The following GANAB variants were observed in gnomAD, a reference collection of about 807,000 sequenced individuals.
GANAB encodes neutral alpha-glucosidase AB.
Under a neutral mutation model 129.9 loss-of-function variants are expected in GANAB, and 35 were observed. That is an observed-to-expected ratio of 0.27 (90% CI 0.21 to 0.36). The LOEUF (loss-of-function observed/expected upper bound fraction) is 0.36. Ranked by LOEUF, GANAB falls within the 10% of genes least tolerant of loss-of-function variation. The probability of loss-of-function intolerance (pLI) is 1.00; values close to 1 mark genes in which losing one functional copy is unlikely to be tolerated. For synonymous variants in GANAB, 482 were observed against 451.8 expected, an observed-to-expected ratio of 1.07 and a Z score of -0.85; for missense variants, 939 against 1,221.0, an observed-to-expected ratio of 0.77 and a Z score of 3.44.
chr11:62,630,531 A>C (rs1384974235), intron 11 of GANAB, 26 bp from the exon 12 acceptor site: 2 of 1,614,174 alleles, frequency 1.2e-6, no homozygotes, highest in Non-Finnish European at 8.5e-7. Flanking sequence ...AGGGGTGTTC[A>C]GGTCTCTTTA....
At chr11:62,636,347 T>C (rs964639259) in intron 4 of GANAB, among the ~76,000 whole-genome samples, 2 of 151,664 alleles carry the variant, frequency 1.3e-5, no homozygotes, top group African/African-American at 4.8e-5. Context: ...ACTATTGTAA[T>C]CCCAGCACTT....
chr11:62,634,767 C>T, intron 5 of GANAB, 54 bp downstream of exon 5: 1 of 1,433,668 alleles, frequency 7.0e-7, no homozygotes. Flanking sequence ...GACCTCACAA[C>T]ACCCCTATGC....
At chr11:62,628,739 C>T in intron 17 of GANAB, 30 bp downstream of exon 17, 2 of 1,605,334 alleles carry the variant, frequency 1.2e-6, no homozygotes, top group Non-Finnish European at 1.7e-6. Flanking sequence ...CACCTCAGCC[C>T]ACTCTTCACA....
At chr11:62,640,021 G>A (rs1944156826) in intron 1 of GANAB, 1 of 318,358 alleles carries the variant, frequency 3.1e-6, no homozygotes, top group African/African-American at 2.2e-5. Context: ...GGATCACGAG[G>A]TCAGGAGATC....
intron 5 of GANAB, chr11:62,634,386 A>G (rs1943839771): frequency 1.3e-6 from 2 of 1,589,696 alleles, no homozygotes; most frequent in South Asian, 1.1e-5. Context: ...CTGGGGCAGG[A>G]GGAGATGGGT....
chr11:62,646,205 G>GC (rs1368801850), intron 1 of GANAB, among the ~76,000 whole-genome samples: 1 of 152,214 alleles, frequency 6.6e-6, no homozygotes, highest in African/African-American at 2.4e-5. Flanking sequence ...AGGCCAGGCC[G>GC]CATCTTTTCC....
intron 15 of GANAB, 126 bp downstream of exon 15, chr11:62,629,462 C>T (rs1242293127): frequency 3.7e-6 from 3 of 803,166 alleles, no homozygotes; most frequent in African/African-American, 1.7e-5. Flanking sequence ...TCCTTCAAAG[C>T]GCATAGCTGA....
chr11:62,642,930 T>A (rs1944330500), intron 1 of GANAB, among the ~76,000 whole-genome samples: 1 of 152,152 alleles, frequency 6.6e-6, no homozygotes, highest in Non-Finnish European at 1.5e-5. Flanking sequence ...TGGTAAGGGA[T>A]GAAACGAACT....
intron 1 of GANAB, among the ~76,000 whole-genome samples, chr11:62,644,677 A>G (rs547899848): frequency 1.3e-5 from 2 of 152,206 alleles, no homozygotes; most frequent in South Asian, 2.1e-4. Flanking sequence ...TACAAAAATT[A>G]GCTGGGCACG....
In GANAB at chr11:62,633,042, G is replaced by C; in HGVS notation, c.778C>G (p.Pro260Ala). The C allele has an allele frequency of 6.2e-7, 1 of 1,611,132 alleles. No individual in the cohort carries two copies. The highest frequency in any genetic ancestry group is 8.5e-7 in the Non-Finnish European group (1 of 1,177,316). Residue 260 changes from proline (P) to alanine (A), a missense_variant, in exon 8 of 24, where the codon CCT (proline) becomes GCT (alanine). Physicochemically the swap from Pro to Ala is conservative, Grantham distance 27. Transcript: ENST00000356638. ...LPGMEHVYGI[P>A]EHADNLRLKV... The stretch of plus-strand genomic sequence containing the variant: ...AGCCTCAGGTTGTCTGCATGCTCAG[G>C]GATCCCATAGACATGCTCCATGCCT...
chr11:62,626,032 TCC>T (rs1262740636), intron 23 of GANAB, 31 bp downstream of exon 23: 3 of 1,544,668 alleles, frequency 1.9e-6, no homozygotes, highest in Non-Finnish European at 2.7e-6. Context: ...TTCCCCTCCT[TCC>T]CCCATCCTAG....
intron 6 of GANAB, 50 bp from the exon 7 acceptor site, chr11:62,633,321 T>G (rs1407719647): frequency 6.4e-7 from 1 of 1,558,360 alleles, no homozygotes. Flanking sequence ...GTTCTCTCTT[T>G]CCCCGCTCCC....
At chr11:62,635,046 G>A (rs1229921609) in intron 4 of GANAB, 46 bp from the exon 5 acceptor site, 1 of 1,394,260 alleles carries the variant, frequency 7.2e-7, no homozygotes. Context: ...AAAGGGCCAA[G>A]AGGAGTAATG....
Position 62,633,427 on chromosome 11 carries a change from C to G in GANAB, c.630+18G>C. On this transcript the variant is annotated intron_variant, in intron 6 of 23. Coordinates refer to ENST00000356638, the MANE Select transcript of GANAB (RefSeq NM_198334.3). The stretch of plus-strand genomic sequence containing the variant: ...CCAGCCAGCCCTATCCTCCAACCAC[C>G]CACCCGCTCCAACTTGCCTTGTCGC... 6.2e-7 allele frequency: 1 copy of G among 1,613,192 alleles called. No individual in the cohort carries two copies. Among genetic ancestry groups the G allele is most frequent in the East Asian group, 2.2e-5 (1 of 44,876 alleles).
intron 1 of GANAB, among the ~76,000 whole-genome samples, chr11:62,644,457 TA>T (rs777738232): frequency 7.3e-4 from 103 of 142,024 alleles, no homozygotes; most frequent in Middle Eastern, 3.5e-3. Context: ...CGTCTCTACT[TA>T]AAAAAAAAAA....
chr11:62,626,145 T>G lies in GANAB; in HGVS notation c.2645A>C (p.His882Pro). ...CTCAATCCAGATTGGTGTCTCAAAG[T>G]GTCCTTCAGGGTCTGCTGAGCTGGA... ...LVSSSADPEG[H>P]FETPIWIERV... Residue 882 changes from histidine (H) to proline (P), a missense_variant, in exon 23 of 24, where the codon CAC (histidine) becomes CCC (proline). Coordinates refer to ENST00000356638, the MANE Select transcript of GANAB (RefSeq NM_198334.3). 6.2e-7 allele frequency: 1 copy of G among 1,613,248 alleles called. No individual in the cohort carries two copies. Among genetic ancestry groups the G allele is most frequent in the Non-Finnish European group, 8.5e-7 (1 of 1,179,188 alleles).
chr11:62,632,919 G>C, intron 8 of GANAB, 86 bp downstream of exon 8: 1 of 1,002,144 alleles, frequency 1.0e-6, no homozygotes, highest in Non-Finnish European at 1.6e-6. Context: ...TGCTTGCCTA[G>C]AGTATCCAAT....
chr11:62,634,747 C>T (rs1590810236), intron 5 of GANAB, 74 bp downstream of exon 5: 1 of 1,248,068 alleles, frequency 8.0e-7, no homozygotes, highest in Non-Finnish European at 1.1e-6. Flanking sequence ...ACCGTCTCCT[C>T]CCCGTGCCAG....
intron 1 of GANAB, chr11:62,639,969 C>T (rs954740783): frequency 2.1e-6 from 1 of 485,142 alleles, no homozygotes; most frequent in South Asian, 2.3e-5. Flanking sequence ...GGCGTGGTGG[C>T]TCACTCCTGT....
Sources: gnomAD v4.1 joint callset for allele counts (sites outside exome capture counted in the v4.1 genomes callset) on GRCh38, gnomAD v4.1.1 for gene constraint, MANE v1.5 for transcripts, NCBI Gene and HGNC (gene_info 2026-07-23, HGNC 2026-07-21) for gene names.